Variants in SV2C observed in about 807,000 individuals in gnomAD.
SV2C encodes the protein solute carrier family 22 member B3.
Under a neutral mutation model 79.7 loss-of-function variants are expected in SV2C, and 49 were observed. The observed-to-expected ratio is 0.61, with a 90% CI of 0.49 to 0.78. The LOEUF is 0.78. Ranked by LOEUF, SV2C falls within the 30% of genes least tolerant of loss-of-function variation. The probability of loss-of-function intolerance (pLI) is 0.00; values close to 1 mark genes in which losing one functional copy is unlikely to be tolerated. For missense variants in SV2C, 833 were observed against 912.9 expected (o/e 0.91, Z 1.13); for synonymous variants, 334 against 333.2 (o/e 1.00, Z -0.03).
At chr5:76,011,758 C>A in the SV2C span, among the ~76,000 whole-genome samples, 1 of 152,092 alleles carries the variant, frequency 6.6e-6, no homozygotes, top group Non-Finnish European at 1.5e-5. Context: ...TATCCCTGTC[C>A]TAGCACCCCA....
At chr5:76,078,229 AG>A in the SV2C span, among the ~76,000 whole-genome samples, 2 of 152,224 alleles carry the variant, frequency 1.3e-5, no homozygotes, top group Non-Finnish European at 2.9e-5. Flanking sequence ...GGGAAAAGTC[AG>A]CCATCACTTG....
the SV2C span, among the ~76,000 whole-genome samples, chr5:75,946,946 T>A: frequency 6.6e-6 from 1 of 152,152 alleles, no homozygotes; most frequent in East Asian, 1.9e-4. Flanking sequence ...TGTTTATTAC[T>A]GTTTTATTTT....
At chr5:75,899,773 A>C in the SV2C span, among the ~76,000 whole-genome samples, 1 of 152,146 alleles carries the variant, frequency 6.6e-6, no homozygotes, top group Non-Finnish European at 1.5e-5. Flanking sequence ...ATATATATTT[A>C]GGATAGTTAG....
Position 76,319,036 on chromosome 5 carries a change from T to A in SV2C, c.2001-6328T>A, listed in dbSNP as rs928284255. 5.2e-4 allele frequency among the ~76,000 whole-genome samples: 79 copies of A among 152,292 alleles called. 1 individual carries two copies. The highest frequency in any genetic ancestry group is 4.1e-4 in the Non-Finnish European group (28 of 68,030). Reference sequence around the variant, plus strand: ...GAGAGTAAATGAACTAAAAGCCTATTTATTTTATAAACAGATAACCCCAAG... The same window carrying A: ...GAGAGTAAATGAACTAAAAGCCTATATATTTTATAAACAGATAACCCCAAG... On this transcript the variant is annotated intron_variant, in intron 12 of 12. Coordinates refer to ENST00000502798, the MANE Select transcript of SV2C (RefSeq NM_014979.4).
intron 2 of SV2C, among the ~76,000 whole-genome samples, chr5:76,182,935 GTA>G (rs201512456): frequency 5.6e-5 from 6 of 107,592 alleles, no homozygotes; most frequent in African/African-American, 1.3e-4. Context: ...GTGTGTGTGT[GTA>G]TGTGAGAGAG....
At chr5:76,141,412 C>T (rs991912688) in intron 2 of SV2C, among the ~76,000 whole-genome samples, 2 of 152,174 alleles carry the variant, frequency 1.3e-5, no homozygotes, top group South Asian at 2.1e-4. Flanking sequence ...TCCTCACTAA[C>T]GCTGAGAGCA....
At chr5:76,302,165 C>T (rs1748029231) in intron 12 of SV2C, among the ~76,000 whole-genome samples, 1 of 152,182 alleles carries the variant, frequency 6.6e-6, no homozygotes, top group African/African-American at 2.4e-5. Context: ...AATAGCCTAT[C>T]TTAGCCCACA....
At chr5:76,268,355 C>T (rs1746732060) in intron 4 of SV2C, among the ~76,000 whole-genome samples, 1 of 152,060 alleles carries the variant, frequency 6.6e-6, no homozygotes, top group Non-Finnish European at 1.5e-5. Flanking sequence ...CTCGATGATG[C>T]ATGAGAACTG....
At chr5:75,932,558 T>A in the SV2C span, among the ~76,000 whole-genome samples, 1 of 152,358 alleles carries the variant, frequency 6.6e-6, no homozygotes, top group South Asian at 2.1e-4. Flanking sequence ...GATTATAGAT[T>A]AACTAAAAGC....
intron 9 of SV2C, among the ~76,000 whole-genome samples, chr5:76,296,615 T>C (rs1747776055): frequency 6.6e-6 from 1 of 152,208 alleles, no homozygotes; most frequent in Admixed American, 6.5e-5. Flanking sequence ...TTTTGTTGCC[T>C]GAACAAATAA....
chr5:75,937,723 C>A, the SV2C span, among the ~76,000 whole-genome samples: 1 of 151,518 alleles, frequency 6.6e-6, no homozygotes, highest in Non-Finnish European at 1.5e-5. Flanking sequence ...AACAAAAAAA[C>A]AAAACAAAAC....
chr5:75,895,416 A>G, the SV2C span, among the ~76,000 whole-genome samples: 1 of 152,170 alleles, frequency 6.6e-6, no homozygotes, highest in Non-Finnish European at 1.5e-5. Flanking sequence ...TAAAGAATCA[A>G]AGAAAAATAT....
the SV2C span, among the ~76,000 whole-genome samples, chr5:75,857,128 T>C: frequency 6.6e-6 from 1 of 152,060 alleles, no homozygotes; most frequent in Non-Finnish European, 1.5e-5. Context: ...TGGCTAATTT[T>C]TTGTATTTTT....
chr5:76,291,667 C>A, intron 7 of SV2C, 101 bp from the exon 8 acceptor site: 2 of 778,318 alleles, frequency 2.6e-6, no homozygotes, highest in East Asian at 2.8e-5. Flanking sequence ...TGAATCCAAC[C>A]CAATGACAAC....
the SV2C span, among the ~76,000 whole-genome samples, chr5:76,061,008 T>C: frequency 6.6e-6 from 1 of 151,890 alleles, no homozygotes; most frequent in Non-Finnish European, 1.5e-5. Context: ...AGATGGCTGG[T>C]TGGTGGAGCA....
the SV2C span, among the ~76,000 whole-genome samples, chr5:75,978,689 A>G: frequency 6.6e-6 from 1 of 152,210 alleles, no homozygotes; most frequent in Admixed American, 6.5e-5. Flanking sequence ...TCATGTTGGT[A>G]CCACACACAA....
chr5:76,208,255 A>G (rs1744667557), intron 3 of SV2C, among the ~76,000 whole-genome samples: 1 of 152,232 alleles, frequency 6.6e-6, no homozygotes. Context: ...AATTTCATGA[A>G]ATGATACTTA....
intron 3 of SV2C, among the ~76,000 whole-genome samples, chr5:76,198,163 G>A (rs1017643167): frequency 5.3e-5 from 8 of 152,080 alleles, no homozygotes; most frequent in Admixed American, 1.3e-4. Context: ...CCTCACAGAC[G>A]CACCCAGAAA....
intron 4 of SV2C, among the ~76,000 whole-genome samples, chr5:76,228,786 C>T (rs924839826): frequency 4.9e-5 from 7 of 142,536 alleles, no homozygotes; most frequent in South Asian, 2.2e-4. Context: ...CTATGAAGTA[C>T]GCATTAATAT....
Sources: allele counts gnomAD v4.1 joint callset (sites outside exome capture counted in the v4.1 genomes callset), GRCh38; gene constraint gnomAD v4.1.1; transcripts MANE v1.5; gene names NCBI Gene and HGNC (gene_info 2026-07-23, HGNC 2026-07-21).